Variants in IL1RAPL2 observed in about 807,000 individuals in gnomAD.
IL1RAPL2 encodes the protein X-linked interleukin-1 receptor accessory protein-like 2.
Under a neutral mutation model 44.1 loss-of-function variants are expected in IL1RAPL2, and 3 were observed. The ratio of observed to expected loss-of-function variants is 0.07; its 90% CI spans 0.03 to 0.18. The LOEUF (loss-of-function observed/expected upper bound fraction) is 0.18. Among genes scored for constraint, IL1RAPL2 ranks in the 10% least tolerant of loss-of-function variants. IL1RAPL2 has a pLI of 1.00. For missense variants in IL1RAPL2, 391 were observed against 496.4 expected, an observed-to-expected ratio of 0.79 and a Z score of 2.02; for synonymous variants, 181 against 178.8, an observed-to-expected ratio of 1.01 and a Z score of -0.10.
intron 2 of IL1RAPL2, among the ~76,000 whole-genome samples, chrX:104,831,757 T>C (rs1921613945): frequency 8.9e-6 from 1 of 112,087 alleles, no homozygotes; most frequent in African/African-American, 3.2e-5. Context: ...GGAGTCCATA[T>C]AGTTTTTACC....
At chrX:105,405,987 C>T in intron 5 of IL1RAPL2, 1 of 1,205,232 alleles carries the variant, frequency 8.3e-7, no homozygotes, top group Non-Finnish European at 1.1e-6. Context: ...TTCTAAGCCT[C>T]CTGAGGGATT....
chrX:105,695,199 C>T (rs900717872), intron 6 of IL1RAPL2, among the ~76,000 whole-genome samples: 1 of 111,919 alleles, frequency 8.9e-6, no homozygotes, highest in Non-Finnish European at 1.9e-5. Context: ...ATGTAAAAAA[C>T]TTATTCTAAT....
intron 2 of IL1RAPL2, among the ~76,000 whole-genome samples, chrX:104,759,022 G>A (rs1932385212): frequency 8.9e-6 from 1 of 112,298 alleles, no homozygotes; most frequent in Admixed American, 9.4e-5. Flanking sequence ...ACATACACAC[G>A]TGTGTACACA....
chrX:105,392,116 G>T (rs929398037), intron 5 of IL1RAPL2, among the ~76,000 whole-genome samples: 1 of 107,367 alleles, frequency 9.3e-6, no homozygotes, highest in Non-Finnish European at 1.9e-5. Context: ...TGCATGTTGT[G>T]CACATGTACC....
intron 7 of IL1RAPL2, among the ~76,000 whole-genome samples, chrX:105,723,931 G>C (rs1297309393): frequency 3.6e-5 from 4 of 111,655 alleles, no homozygotes; most frequent in Middle Eastern, 4.2e-3. Flanking sequence ...ACCATAGCAA[G>C]GGCATTGCTT....
chrX:105,554,600 C>T (rs1490985925), intron 6 of IL1RAPL2, among the ~76,000 whole-genome samples: 1 of 111,071 alleles, frequency 9.0e-6, no homozygotes, highest in Non-Finnish European at 1.9e-5. Flanking sequence ...CGCTGATAAT[C>T]TGTTTAATTT....
chrX:105,183,725 G>C (rs1315600839), intron 2 of IL1RAPL2, among the ~76,000 whole-genome samples: 2 of 111,577 alleles, frequency 1.8e-5, no homozygotes, highest in African/African-American at 6.5e-5. Flanking sequence ...GGAATCTGTA[G>C]GGGCTAGAAT....
intron 2 of IL1RAPL2, among the ~76,000 whole-genome samples, chrX:104,778,584 A>T (rs113906304): frequency 2.0e-5 from 2 of 97,977 alleles, no homozygotes; most frequent in Non-Finnish European, 4.1e-5. Flanking sequence ...TATATATATA[A>T]ATATATATGT....
At chrX:105,437,027 A>G (rs1297146174) in intron 5 of IL1RAPL2, among the ~76,000 whole-genome samples, 2 of 89,694 alleles carry the variant, frequency 2.2e-5, no homozygotes, top group African/African-American at 5.5e-5. Flanking sequence ...ATATAAACGT[A>G]TATATATATA....
At chrX:104,778,176 C>T (rs1379284469) in intron 2 of IL1RAPL2, among the ~76,000 whole-genome samples, 1 of 110,218 alleles carries the variant, frequency 9.1e-6, no homozygotes, top group Non-Finnish European at 1.9e-5. Flanking sequence ...GTTGTTTGCC[C>T]ATTTTATAAT....
intron 3 of IL1RAPL2, among the ~76,000 whole-genome samples, chrX:105,227,765 GA>G (rs1461613761): frequency 8.9e-6 from 1 of 111,751 alleles, no homozygotes; most frequent in African/African-American, 3.2e-5. Flanking sequence ...GCAGACATCT[GA>G]AAGTCCCCTT....
chrX:104,762,164 A>AT (rs1322204777), intron 2 of IL1RAPL2, among the ~76,000 whole-genome samples: 7 of 108,344 alleles, frequency 6.5e-5, no homozygotes, highest in Non-Finnish European at 1.3e-4. Flanking sequence ...CGCCTGGCCA[A>AT]TTTTTTGTAT....
chrX:104,889,258 C>T (rs1035693495), intron 2 of IL1RAPL2, among the ~76,000 whole-genome samples: 1 of 111,432 alleles, frequency 9.0e-6, no homozygotes, highest in Admixed American at 9.6e-5. Context: ...AATGCCTGCT[C>T]ATCCCCTCTT....
At chrX:105,366,898 T>C (rs1459070722) in intron 5 of IL1RAPL2, among the ~76,000 whole-genome samples, 1 of 111,777 alleles carries the variant, frequency 8.9e-6, no homozygotes, top group African/African-American at 3.2e-5. Flanking sequence ...TTATTGATTA[T>C]CTGTCTAGAT....
chrX:104,909,735 C>G (rs1330809098), intron 2 of IL1RAPL2, among the ~76,000 whole-genome samples: 1 of 112,283 alleles, frequency 8.9e-6, no homozygotes, highest in Non-Finnish European at 1.9e-5. Flanking sequence ...GGGAGAACCA[C>G]TGCTCTCTTC....
intron 1 of IL1RAPL2, among the ~76,000 whole-genome samples, chrX:104,569,798 G>A (rs1291103507): frequency 1.8e-5 from 2 of 112,304 alleles, no homozygotes; most frequent in Admixed American, 9.4e-5. Context: ...TGAAATGATC[G>A]TATACTTTGG....
At chrX:105,552,481 T>A (rs2036864901) in intron 6 of IL1RAPL2, among the ~76,000 whole-genome samples, 2 of 112,314 alleles carry the variant, frequency 1.8e-5, no homozygotes, top group African/African-American at 6.5e-5. Flanking sequence ...ATAACTAGAA[T>A]GCACTCTTGA....
intron 2 of IL1RAPL2, among the ~76,000 whole-genome samples, chrX:104,776,538 G>A (rs968583458): frequency 2.7e-5 from 3 of 111,412 alleles, no homozygotes; most frequent in African/African-American, 9.8e-5. Flanking sequence ...ATGAACTCAG[G>A]ATTAATTAGA....
intron 2 of IL1RAPL2, among the ~76,000 whole-genome samples, chrX:104,781,452 G>T (rs1015028527): frequency 1.8e-5 from 2 of 111,826 alleles, no homozygotes; most frequent in African/African-American, 6.5e-5. Flanking sequence ...AAATATAGTG[G>T]TTTAAATAAT....
Sources: allele counts gnomAD v4.1 joint callset (sites outside exome capture counted in the v4.1 genomes callset), GRCh38; gene constraint gnomAD v4.1.1; transcripts MANE v1.5; gene names NCBI Gene and HGNC (gene_info 2026-07-23, HGNC 2026-07-21).